RNASEH2B: variants seen among roughly 807,000 people sequenced by gnomAD.
RNASEH2B encodes the protein ribonuclease H2 subunit B, also known as Aicardi-Goutieres syndrome 2 protein.
In RNASEH2B, 36 loss-of-function variants were observed where a neutral mutation model predicts 45.0. The ratio of observed to expected loss-of-function variants is 0.80; its 90% CI spans 0.61 to 1.06. RNASEH2B has a LOEUF of 1.06. Ranked by LOEUF, RNASEH2B falls within the 50% of genes least tolerant of loss-of-function variation. The pLI, the probability that RNASEH2B is intolerant of heterozygous loss-of-function variation, is 0.00. For missense variants in RNASEH2B, 361 were observed against 360.3 expected, an observed-to-expected ratio of 1.00 and a Z score of -0.02; for synonymous variants, 119 against 125.7, an observed-to-expected ratio of 0.95 and a Z score of 0.35.
At chr13:50,961,803 G>C (rs1184587251) in intron 9 of RNASEH2B, among the ~76,000 whole-genome samples, 1 of 151,992 alleles carries the variant, frequency 6.6e-6, no homozygotes, top group Non-Finnish European at 1.5e-5. Context: ...GTATCTATCA[G>C]TATTTATCTA....
At chr13:50,914,766 C>CGG in intron 1 of RNASEH2B, among the ~76,000 whole-genome samples, 1 of 152,148 alleles carries the variant, frequency 6.6e-6, no homozygotes, top group Non-Finnish European at 1.5e-5. Context: ...AGTAAGAACT[C>CGG]ATGACTCCCA....
At chr13:50,931,955 TACACAC>T (rs60335654) in intron 4 of RNASEH2B, among the ~76,000 whole-genome samples, 4 of 148,932 alleles carry the variant, frequency 2.7e-5, no homozygotes, top group African/African-American at 7.4e-5. Flanking sequence ...CATCTCATTT[TACACAC>T]ACACACACAC....
rs371461579 is a variant in RNASEH2B at position 50,929,585 on chromosome 13, A to G, written c.244+3A>G. ...TATAAATCAATCAGTTCAATCAGGT[A>G]GGTGACTAGTGTAAGCATTTCCAAT... On this transcript the variant is annotated splice_donor_region_variant and intron_variant, in intron 3 of 10. Coordinates refer to ENST00000336617, the MANE Select transcript of RNASEH2B (RefSeq NM_024570.4). 14 of 1,548,880 alleles carry G rather than the reference A, an allele frequency of 9.0e-6. No homozygotes were observed. The African/African-American group carries it at 1.8e-4, about 20-fold the overall frequency.
intron 1 of RNASEH2B, among the ~76,000 whole-genome samples, chr13:50,925,553 T>G (rs1159403131): frequency 6.6e-6 from 1 of 152,064 alleles, no homozygotes. Flanking sequence ...GTCCAGCAAA[T>G]AGTTAGGGCT....
At chr13:50,954,410 A>T (rs754967283) in intron 10 of RNASEH2B, 2 of 277,212 alleles carry the variant, frequency 7.2e-6, no homozygotes, top group South Asian at 1.5e-4. Flanking sequence ...TACATGCATT[A>T]TAAATACATA....
downstream of RNASEH2B, among the ~76,000 whole-genome samples, chr13:50,960,929 T>G (rs1952106391): frequency 6.6e-6 from 1 of 152,222 alleles, no homozygotes; most frequent in South Asian, 2.1e-4. Context: ...TTTTCTTTAA[T>G]CTGCAAGAGT....
chr13:50,909,896 G>A lies in RNASEH2B; in HGVS notation c.-181G>A, dbSNP rs886050288. The A allele has an allele frequency of 2.9e-5, 14 of 481,756 alleles. No individual in the cohort carries two copies. The highest frequency in any genetic ancestry group is 3.6e-5 in the Non-Finnish European group (10 of 275,222). 29.8% of individuals were successfully genotyped at this position (481,756 alleles called of 1,614,324 possible). The stretch of plus-strand genomic sequence containing the variant: ...GGCGCTAAATTTAAAAACGTAACAC[G>A]AGCAGCAGGCTGGTCTCGGAAACGA... On this transcript the variant is annotated 5_prime_UTR_variant, in exon 1 of 11. Transcript: ENST00000336617.
Position 50,956,410 on chromosome 13 carries a change from G to C in RNASEH2B, c.875G>C (p.Ser292Thr). The change falls in exon 11 of 11, where the codon AGT becomes ACT. Residue 292 changes from serine (S) to threonine (T), a missense_variant. By Grantham distance (58) the Ser-to-Thr change is moderately conservative. Coordinates refer to ENST00000336617, the MANE Select transcript of RNASEH2B (RefSeq NM_024570.4). ...AQKALAKVDK[S>T]GMKSIDTFFG... ...AAGGCTTTGGCTAAAGTTGACAAGA[G>C]TGGAATGAAAAGTATTGATACCTTT... 6.2e-7 allele frequency: 1 copy of C among 1,603,484 alleles called. No homozygotes were observed. Among genetic ancestry groups the C allele is most frequent in the Non-Finnish European group, 8.5e-7 (1 of 1,173,286 alleles).
At chr13:50,954,173 A>T (rs1327700826) in intron 10 of RNASEH2B, 188 bp downstream of exon 10, 2 of 640,904 alleles carry the variant, frequency 3.1e-6, no homozygotes, top group Non-Finnish European at 5.6e-6. Context: ...ACTAAGACTT[A>T]TTATTAGTCA....
chr13:50,943,905 T>G (rs1407304452), intron 6 of RNASEH2B, among the ~76,000 whole-genome samples: 1 of 152,144 alleles, frequency 6.6e-6, no homozygotes, highest in Non-Finnish European at 1.5e-5. Context: ...CTTGACCTAA[T>G]GGATGGACTG....
chr13:50,961,443 T>C (rs1440617722), downstream of RNASEH2B, among the ~76,000 whole-genome samples: 1 of 152,190 alleles, frequency 6.6e-6, no homozygotes. Context: ...ATTATTATTA[T>C]TAATTTTAAT....
chr13:50,951,403 G>A (rs546984403), intron 9 of RNASEH2B: 1 of 152,242 alleles, frequency 6.6e-6, no homozygotes, highest in Admixed American at 6.5e-5. Flanking sequence ...CGATAGCGTG[G>A]AGCCTGTCAT....
intron 9 of RNASEH2B, among the ~76,000 whole-genome samples, chr13:50,969,358 A>G (rs914902537): frequency 6.6e-6 from 1 of 151,954 alleles, no homozygotes; most frequent in African/African-American, 2.4e-5. Flanking sequence ...TTAACTTTGC[A>G]CTCAATAAAA....
chr13:50,957,881 G>T (rs1704715135), downstream of RNASEH2B, among the ~76,000 whole-genome samples: 1 of 152,016 alleles, frequency 6.6e-6, no homozygotes, highest in Non-Finnish European at 1.5e-5. Context: ...TTTTTAATAT[G>T]TTTGTGATCA....
chr13:50,948,250 T>A (rs1346387782), intron 8 of RNASEH2B, 182 bp downstream of exon 8: 10 of 934,412 alleles, frequency 1.1e-5, no homozygotes, highest in Non-Finnish European at 1.5e-5. Context: ...ACTGATTTGA[T>A]GGATACGGAT....
intron 8 of RNASEH2B, 42 bp from the exon 9 acceptor site, chr13:50,949,421 A>T: frequency 6.3e-7 from 1 of 1,594,310 alleles, no homozygotes. Flanking sequence ...TTGTTTGTCT[A>T]TGAAAAACGA....
intron 9 of RNASEH2B, chr13:50,950,612 T>G (rs1435808731): frequency 5.9e-5 from 9 of 152,216 alleles, no homozygotes; most frequent in Admixed American, 2.0e-4. Flanking sequence ...GGCACAGTTG[T>G]CTTGCTGAAA....
At chr13:50,934,619 G>A (rs1052122584) in intron 4 of RNASEH2B, 3 of 474,072 alleles carry the variant, frequency 6.3e-6, no homozygotes, top group Non-Finnish European at 1.2e-5. Flanking sequence ...TGCTTTTGTA[G>A]ATTGATTTTC....
At chr13:50,919,753 C>T (rs1301877525) in intron 1 of RNASEH2B, among the ~76,000 whole-genome samples, 4 of 152,138 alleles carry the variant, frequency 2.6e-5, no homozygotes, top group African/African-American at 9.7e-5. Flanking sequence ...TAAATCCTGG[C>T]TCTATAGTTG....
Sources: gnomAD v4.1 joint callset for allele counts (sites outside exome capture counted in the v4.1 genomes callset) on GRCh38, gnomAD v4.1.1 for gene constraint, MANE v1.5 for transcripts, NCBI Gene and HGNC (gene_info 2026-07-23, HGNC 2026-07-21) for gene names.